LHFPL6: variants seen among roughly 807,000 people sequenced by gnomAD.
LHFPL6 encodes LHFPL tetraspan subfamily member 6 protein.
A neutral mutation model predicts 20.6 loss-of-function variants in LHFPL6; 9 were observed. The observed-to-expected ratio is 0.44, with a 90% CI of 0.26 to 0.76. The LOEUF is 0.76. Among genes scored for constraint, LHFPL6 ranks in the 30% least tolerant of loss-of-function variants. The pLI, the probability that LHFPL6 is intolerant of heterozygous loss-of-function variation, is 0.20. For missense variants in LHFPL6, 218 were observed against 253.5 expected (o/e 0.86, Z 0.95); for synonymous variants, 105 against 98.7 (o/e 1.06, Z -0.38).
intron 2 of LHFPL6, among the ~76,000 whole-genome samples, chr13:39,417,304 T>C (rs1871373612): frequency 1.3e-5 from 2 of 152,220 alleles, no homozygotes; most frequent in African/African-American, 4.8e-5. Context: ...TGCTCTGACT[T>C]GGGTGCCCCC....
At chr13:39,593,811 G>A (rs1482480201) in intron 2 of LHFPL6, among the ~76,000 whole-genome samples, 39 of 151,766 alleles carry the variant, frequency 2.6e-4, no homozygotes, top group African/African-American at 7.5e-4. Flanking sequence ...AAATAACGCC[G>A]CATATCTACA....
chr13:39,597,770 G>A lies in LHFPL6; in HGVS notation c.385+3062C>T, dbSNP rs532488189. On this transcript the variant is annotated intron_variant, in intron 2 of 3. Transcript: ENST00000379589. Reference sequence around the variant, plus strand: ...TATAGGTAGAAAATATCCATGTATGGCAGCCCCATTTTACATTGCTCTATC... The same window carrying A: ...TATAGGTAGAAAATATCCATGTATGACAGCCCCATTTTACATTGCTCTATC... 2.0e-4 allele frequency among the ~76,000 whole-genome samples: 31 copies of A among 152,276 alleles called. 1 individual carries two copies. In the South Asian group the frequency reaches 6.4e-3, roughly 32 times the overall value.
rs188879290 is a variant in LHFPL6 at position 39,396,600 on chromosome 13, G to A, written c.386-18074C>T. ...TGCTTGAGCCCAGGAGTTCAAGACC[G>A]GCCCGGGCAACATGGCAAGACACCA... On this transcript the variant is annotated intron_variant, in intron 2 of 3. Coordinates refer to ENST00000379589, the MANE Select transcript of LHFPL6 (RefSeq NM_005780.3). Among the ~76,000 whole-genome samples the A allele has an allele frequency of 1.3e-3, 193 of 152,016 alleles. 1 individual carries two copies. Among genetic ancestry groups the A allele is most frequent in the Admixed American group, 1.9e-3 (29 of 15,276 alleles).
intron 2 of LHFPL6, among the ~76,000 whole-genome samples, chr13:39,537,445 C>T (rs146053794): frequency 9.4e-4 from 143 of 152,272 alleles, no homozygotes; most frequent in African/African-American, 2.9e-3. Flanking sequence ...CCTTACAGCT[C>T]CGGAATATTT....
chr13:39,367,253 A>G (rs1170852725), intron 3 of LHFPL6, among the ~76,000 whole-genome samples: 2 of 152,218 alleles, frequency 1.3e-5, no homozygotes, highest in African/African-American at 2.4e-5. Context: ...AAAACTACCT[A>G]TGGGGTACTA....
At chr13:39,495,736 C>T (rs936928436) in intron 2 of LHFPL6, among the ~76,000 whole-genome samples, 1 of 150,720 alleles carries the variant, frequency 6.6e-6, no homozygotes, top group Non-Finnish European at 1.5e-5. Context: ...CAGATACCAA[C>T]CTTGAAGCTG....
chr13:39,510,325 T>C (rs1254714552), intron 2 of LHFPL6, among the ~76,000 whole-genome samples: 1 of 152,244 alleles, frequency 6.6e-6, no homozygotes, highest in Non-Finnish European at 1.5e-5. Flanking sequence ...TTGTCCTTAA[T>C]TATAAAACCT....
chr13:39,577,041 T>C (rs1872137999), intron 2 of LHFPL6, among the ~76,000 whole-genome samples: 2 of 152,216 alleles, frequency 1.3e-5, no homozygotes, highest in East Asian at 1.9e-4. Context: ...GTGCTAAAGA[T>C]GCAAAACGCT....
At chr13:39,352,145 A>G (rs1869585240) in intron 3 of LHFPL6, among the ~76,000 whole-genome samples, 1 of 152,188 alleles carries the variant, frequency 6.6e-6, no homozygotes. Context: ...CATCTTCTTT[A>G]AGGATGTGGA....
chr13:39,583,408 C>T (rs1872351038), intron 2 of LHFPL6, among the ~76,000 whole-genome samples: 1 of 152,038 alleles, frequency 6.6e-6, no homozygotes, highest in Non-Finnish European at 1.5e-5. Context: ...CTCCTGGGCT[C>T]AAGCAATTCA....
chr13:39,453,233 C>A (rs543539600), intron 2 of LHFPL6, among the ~76,000 whole-genome samples: 2 of 152,090 alleles, frequency 1.3e-5, no homozygotes, highest in Admixed American at 1.3e-4. Flanking sequence ...ATGGCAGTTA[C>A]GGCTGAAAAT....
At chr13:39,476,227 G>A (rs1410085287) in intron 2 of LHFPL6, among the ~76,000 whole-genome samples, 2 of 151,930 alleles carry the variant, frequency 1.3e-5, no homozygotes, top group East Asian at 1.9e-4. Context: ...ACTGTGTCTC[G>A]CTATGTTACC....
At chr13:39,448,608 A>C (rs1872356920) in intron 2 of LHFPL6, among the ~76,000 whole-genome samples, 1 of 152,234 alleles carries the variant, frequency 6.6e-6, no homozygotes, top group Non-Finnish European at 1.5e-5. Flanking sequence ...TTCTAGATTT[A>C]AATATGGAAA....
chr13:39,378,799 T>C (rs562340891), intron 2 of LHFPL6, among the ~76,000 whole-genome samples: 1 of 152,196 alleles, frequency 6.6e-6, no homozygotes, highest in Non-Finnish European at 1.5e-5. Context: ...GGAAATACAA[T>C]TCAGAAGCTT....
rs112548140 is a variant in LHFPL6 at position 39,522,113 on chromosome 13, T to C, written c.385+78719A>G. ...GATTTCCAACTTTTGTCACATCACT[T>C]TCCTCTCCCAAAGACAAAAATCTAT... On this transcript the variant is annotated intron_variant, in intron 2 of 3. Coordinates refer to ENST00000379589, the MANE Select transcript of LHFPL6 (RefSeq NM_005780.3). Among the ~76,000 whole-genome samples the C allele has an allele frequency of 2.7e-3, 407 of 152,248 alleles. 3 individuals are homozygous for C. The highest frequency in any genetic ancestry group is 4.9e-3 in the Non-Finnish European group (332 of 68,020).
chr13:39,415,726 T>G (rs191214188), intron 2 of LHFPL6, among the ~76,000 whole-genome samples: 2 of 152,342 alleles, frequency 1.3e-5, no homozygotes, highest in East Asian at 3.9e-4. Flanking sequence ...GATTAATAAA[T>G]GCATAAATGA....
chr13:39,565,821 C>T (rs1871695583), intron 2 of LHFPL6, among the ~76,000 whole-genome samples: 2 of 152,228 alleles, frequency 1.3e-5, no homozygotes, highest in African/African-American at 4.8e-5. Context: ...GCCACCTACA[C>T]TGGGGCTCCC....
At chr13:39,599,190 C>T (rs1872855538) in intron 2 of LHFPL6, among the ~76,000 whole-genome samples, 1 of 152,096 alleles carries the variant, frequency 6.6e-6, no homozygotes, top group Admixed American at 6.5e-5. Flanking sequence ...TAATAGCAGG[C>T]CCTGCCCTAA....
At chr13:39,502,802 T>C (rs1869337484) in intron 2 of LHFPL6, among the ~76,000 whole-genome samples, 1 of 152,216 alleles carries the variant, frequency 6.6e-6, no homozygotes, top group Non-Finnish European at 1.5e-5. Flanking sequence ...AATGGGACTT[T>C]TACAGATTCC....
Sources: allele counts gnomAD v4.1 joint callset (sites outside exome capture counted in the v4.1 genomes callset), GRCh38; gene constraint gnomAD v4.1.1; transcripts MANE v1.5; gene names NCBI Gene and HGNC (gene_info 2026-07-23, HGNC 2026-07-21).